Variants in IFI16 observed in about 807,000 individuals in gnomAD.
IFI16 encodes interferon gamma inducible protein 16.
In IFI16, 49 loss-of-function variants were observed where a neutral mutation model predicts 68.4. The ratio of observed to expected loss-of-function variants is 0.72; its 90% CI spans 0.57 to 0.91. The LOEUF (loss-of-function observed/expected upper bound fraction) is 0.91, where lower values mean the gene tolerates loss of function less well. Among genes scored for constraint, IFI16 ranks in the 40% least tolerant of loss-of-function variants. IFI16 has a pLI of 0.00. For missense variants in IFI16, 878 were observed against 942.9 expected, an observed-to-expected ratio of 0.93 and a Z score of 0.90; for synonymous variants, 307 against 315.0, an observed-to-expected ratio of 0.97 and a Z score of 0.27.
At chr1:159,016,376 A>G (rs1571837197) in intron 3 of IFI16, among the ~76,000 whole-genome samples, 157 bp from the exon 4 acceptor site, 1 of 152,172 alleles carries the variant, frequency 6.6e-6, no homozygotes, top group Non-Finnish European at 1.5e-5. Flanking sequence ...GAAACCATCT[A>G]TGCCCATCTC....
chr1:159,036,960 A>C (rs1654360599), intron 7 of IFI16, among the ~76,000 whole-genome samples: 1 of 152,098 alleles, frequency 6.6e-6, no homozygotes, highest in South Asian at 2.1e-4. Context: ...TGACTGGTAA[A>C]TTCCAAAATT....
At chr1:159,004,383 T>TTACTCAGA (rs1415099623), upstream of IFI16, among the ~76,000 whole-genome samples, 1 of 151,924 alleles carries the variant, frequency 6.6e-6, no homozygotes, top group African/African-American at 2.4e-5. Context: ...TCTGAGTAAA[T>TTACTCAGA]TATAGATGTT....
At chr1:159,017,176 C>T (rs1362312126) in intron 4 of IFI16, among the ~76,000 whole-genome samples, 1 of 152,180 alleles carries the variant, frequency 6.6e-6, no homozygotes, top group Non-Finnish European at 1.5e-5. Flanking sequence ...TTAAAGAAAA[C>T]CCTTTCTGAG....
rs193137345 is a variant in IFI16 at position 159,030,803 on chromosome 1, G to A, written c.1162-1721G>A. Among the ~76,000 whole-genome samples, 481 of 145,924 alleles carry A rather than the reference G, an allele frequency of 3.3e-3. 4 individuals carry two copies. Among genetic ancestry groups the A allele is most frequent in the African/African-American group, 0.012 (468 of 40,236 alleles). ...TGGAGCTTTTAAGAGAGCATCAGCT[G>A]CAATAGTATAGGGAGGATACAAGCT... On this transcript the variant is annotated intron_variant, in intron 6 of 11. Transcript: ENST00000295809.
At chr1:159,020,578 G>C in intron 6 of IFI16, 49 bp downstream of exon 6, 1 of 1,443,022 alleles carries the variant, frequency 6.9e-7, no homozygotes. Context: ...GAAATGATTT[G>C]CTTTAAGTTT....
upstream of IFI16, among the ~76,000 whole-genome samples, chr1:159,003,631 T>C (rs769404927): frequency 3.5e-5 from 5 of 141,536 alleles, no homozygotes; most frequent in East Asian, 2.1e-4. Context: ...TTCTCCTATC[T>C]TGTATGTCCA....
chr1:159,039,099 C>T (rs1017469645), intron 7 of IFI16, among the ~76,000 whole-genome samples: 34 of 152,222 alleles, frequency 2.2e-4, no homozygotes, highest in African/African-American at 7.9e-4. Flanking sequence ...AATGGAGGGG[C>T]TTAACCAAGT....
At chr1:159,039,341 A>G (rs1654489475) in intron 7 of IFI16, among the ~76,000 whole-genome samples, 1 of 152,124 alleles carries the variant, frequency 6.6e-6, no homozygotes, top group Non-Finnish European at 1.5e-5. Context: ...ACATGGATAC[A>G]TTAGGTTTTT....
intron 1 of IFI16, among the ~76,000 whole-genome samples, chr1:159,013,227 GGCACGATCTC>G (rs1652692077): frequency 7.5e-6 from 1 of 133,202 alleles, no homozygotes; most frequent in Non-Finnish European, 1.6e-5. Flanking sequence ...GGAGTGTAGT[GGCACGATCTC>G]CGCTCACTGC....
chr1:159,037,345 A>C (rs1485359711), intron 7 of IFI16, among the ~76,000 whole-genome samples: 1 of 152,200 alleles, frequency 6.6e-6, no homozygotes, highest in African/African-American at 2.4e-5. Flanking sequence ...TGACCAGCCC[A>C]AAGGTTGTCT....
chr1:159,031,597 C>T (rs1202776354), intron 6 of IFI16, among the ~76,000 whole-genome samples: 1 of 152,206 alleles, frequency 6.6e-6, no homozygotes, highest in African/African-American at 2.4e-5. Context: ...CACTTGTGAT[C>T]CAGACCTTCA....
chr1:159,012,769 G>A (rs1652650574), intron 1 of IFI16, among the ~76,000 whole-genome samples: 1 of 152,210 alleles, frequency 6.6e-6, no homozygotes, highest in East Asian at 1.9e-4. Context: ...GGGAAGGCAT[G>A]TCTGGGGCGG....
At chr1:159,000,463 A>T (rs1456984678) in intron 1 of IFI16, 1 of 154,242 alleles carries the variant, frequency 6.5e-6, no homozygotes, top group Non-Finnish European at 1.4e-5. Context: ...ATTTTGGTGA[A>T]ATATAAGAAA....
chr1:159,052,099 G>T lies in IFI16; in HGVS notation c.2085+1G>T, dbSNP rs747522236. 6.2e-7 allele frequency: 1 copy of T among 1,604,454 alleles called. No individual in the cohort carries two copies. The highest frequency in any genetic ancestry group is 8.5e-7 in the Non-Finnish European group (1 of 1,176,204). On this transcript the variant is annotated splice_donor_variant, in intron 10 of 11. Transcript: ENST00000295809. LOFTEE classifies it high-confidence loss of function. The stretch of plus-strand genomic sequence containing the variant: ...GAATGGGGTGTTTGAGGTACATAAG[G>T]TAAGCCCACACCATTGTTTTATAAA...
intron 3 of IFI16, 69 bp downstream of exon 3, chr1:159,016,056 A>G (rs919154136): frequency 1.7e-5 from 16 of 952,562 alleles, no homozygotes; most frequent in African/African-American, 9.8e-5. Context: ...CTTCCACTCA[A>G]TCTCTCCAGC....
intron 1 of IFI16, among the ~76,000 whole-genome samples, chr1:159,014,000 A>G (rs1020198298): frequency 2.6e-5 from 4 of 152,228 alleles, no homozygotes; most frequent in Admixed American, 2.6e-4. Flanking sequence ...GAAAGAAGAA[A>G]AATAAAACAA....
intron 6 of IFI16, among the ~76,000 whole-genome samples, chr1:159,025,542 A>T (rs375415037): frequency 6.6e-6 from 1 of 151,954 alleles, no homozygotes; most frequent in East Asian, 1.9e-4. Context: ...TTTCTTGATG[A>T]TTTGCTTGAG....
At chr1:159,000,388 G>A (rs1652011011) in exon 1 of IFI16, 1 of 181,012 alleles carries the variant, frequency 5.5e-6, no homozygotes, top group African/African-American at 2.4e-5. Flanking sequence ...CATTCAAAAT[G>A]AAGCAAGGTG....
chr1:159,010,895 A>G (rs1313048940), intron 1 of IFI16, among the ~76,000 whole-genome samples: 1 of 152,168 alleles, frequency 6.6e-6, no homozygotes, highest in Non-Finnish European at 1.5e-5. Context: ...CAAATTTTTA[A>G]AAGATGTTTT....
Sources: allele counts gnomAD v4.1 joint callset (sites outside exome capture counted in the v4.1 genomes callset), GRCh38; gene constraint gnomAD v4.1.1; transcripts MANE v1.5; gene names NCBI Gene and HGNC (gene_info 2026-07-23, HGNC 2026-07-21).